MED13: variants seen among roughly 807,000 people sequenced by gnomAD.
The protein encoded by MED13 is mediator complex subunit 13, also known as mediator of RNA polymerase II transcription subunit 13.
MED13 carries 23 observed loss-of-function variants against 225.2 expected under a neutral mutation model. The observed-to-expected ratio is 0.10, with a 90% CI of 0.07 to 0.14. The LOEUF is 0.14. MED13 is among the 10% of genes least tolerant of loss of function. MED13 has a pLI of 1.00. For synonymous variants in MED13, 942 were observed against 889.2 expected (o/e 1.06, Z -1.06); for missense variants, 2,197 against 2,594.5 (o/e 0.85, Z 3.33).
chr17:62,015,954 ATTTTTTTTTTTTTTTTTT>A (rs869061252), intron 8 of MED13, among the ~76,000 whole-genome samples: 1 of 12,904 alleles, frequency 7.7e-5, no homozygotes, highest in African/African-American at 4.2e-4. Flanking sequence ...ATATATATAT[ATTTTTTTTTTTTTTTTTT>A]TTTTTTTTTT....
At chr17:61,968,391 T>C in intron 17 of MED13, 133 bp from the exon 18 acceptor site, 1 of 609,004 alleles carries the variant, frequency 1.6e-6, no homozygotes, top group Non-Finnish European at 2.5e-6. Context: ...AGTGGCGCCA[T>C]CTCGGCTCAC....
intron 9 of MED13, among the ~76,000 whole-genome samples, chr17:62,002,319 T>A (rs969886953): frequency 6.6e-6 from 1 of 151,838 alleles, no homozygotes; most frequent in Non-Finnish European, 1.5e-5. Context: ...GCGAAACCCG[T>A]CTCTACTGAA....
At chr17:62,064,519 G>A (rs2081065541) in intron 1 of MED13, among the ~76,000 whole-genome samples, 1 of 152,108 alleles carries the variant, frequency 6.6e-6, no homozygotes, top group African/African-American at 2.4e-5. Context: ...TCTAATAAAA[G>A]CAAGATGGCT....
At chr17:62,017,628 C>A (rs1034873926) in intron 8 of MED13, among the ~76,000 whole-genome samples, 3 of 152,182 alleles carry the variant, frequency 2.0e-5, no homozygotes, top group African/African-American at 7.2e-5. Flanking sequence ...AGCAAAACTT[C>A]TAGCAACTGA....
At chr17:62,055,169 T>C (rs1156906396) in intron 2 of MED13, among the ~76,000 whole-genome samples, 1 of 151,998 alleles carries the variant, frequency 6.6e-6, no homozygotes, top group Non-Finnish European at 1.5e-5. Context: ...CCAAGGCAAG[T>C]GGACCACTTG....
chr17:62,022,354 C>CT (rs970526805), intron 8 of MED13, among the ~76,000 whole-genome samples: 30 of 150,526 alleles, frequency 2.0e-4, no homozygotes, highest in African/African-American at 6.8e-4. Flanking sequence ...AGCAGTATTA[C>CT]TTTTTTTTTA....
In MED13 at chr17:61,982,293, T is replaced by C; in HGVS notation, c.3710A>G (p.Glu1237Gly). 1 of 1,614,204 alleles carries C rather than the reference T, an allele frequency of 6.2e-7. No individual in the cohort carries two copies. The highest frequency in any genetic ancestry group is 1.1e-5 in the South Asian group (1 of 91,080). Reference protein sequence around the residue: ...DCCNDCYLALEHGRQFMDNMS... With the variant: ...DCCNDCYLALGHGRQFMDNMS... ...GTTATCCATGAACTGACGCCCATGT[T>C]CTAATGCAAGGTAGCAGTCATTGCA... is the stretch of plus-strand genomic sequence containing the variant. Residue 1237 changes from glutamate to glycine, a missense_variant, in exon 16 of 30, where the codon GAA becomes GGA. By Grantham distance (98) the Glu-to-Gly change is moderately conservative. Transcript: ENST00000397786.
intron 3 of MED13, 123 bp downstream of exon 3, chr17:62,052,414 C>G (rs1314239942): frequency 1.7e-6 from 1 of 601,694 alleles, no homozygotes; most frequent in Non-Finnish European, 2.5e-6. Flanking sequence ...GTATCTAGTA[C>G]TCTGTCACTG....
At position 62,005,683 on chromosome 17, in the gene MED13, G is replaced by A. The variant is rs369685860; in HGVS notation, c.1967+4867C>T. On this transcript the variant is annotated intron_variant, in intron 9 of 29. Transcript: ENST00000397786. ...GATTCAAAGGGCCAGATGAAGCACA[G>A]GACTTATCTGCTAAAATGACGATAA... The A allele has an allele frequency of 2.0e-4, 31 of 152,238 alleles. No individual in the cohort carries two copies. The East Asian group carries it at 4.6e-3, about 23-fold the overall frequency. The allele number at this position is 152,238 out of a possible 1,614,324, so 9.4% of individuals were successfully genotyped here. A position where few individuals can be genotyped will look rare whatever the true frequency, so the allele number is the denominator to read the frequency against.
intron 8 of MED13, among the ~76,000 whole-genome samples, chr17:62,015,962 T>A (rs1299154750): frequency 0.027 from 517 of 19,064 alleles, 16 homozygotes; most frequent in East Asian, 0.092. Context: ...ATATTTTTTT[T>A]TTTTTTTTTT....
intron 8 of MED13, among the ~76,000 whole-genome samples, chr17:62,026,623 A>G (rs992790438): frequency 6.6e-6 from 1 of 152,160 alleles, no homozygotes; most frequent in African/African-American, 2.4e-5. Context: ...AGGGCATTCA[A>G]ATAGGAAGAA....
At chr17:61,979,018 G>A (rs1200280450) in intron 16 of MED13, among the ~76,000 whole-genome samples, 1 of 151,990 alleles carries the variant, frequency 6.6e-6, no homozygotes, top group Non-Finnish European at 1.5e-5. Context: ...CTATCTCTTG[G>A]TCATTTTTGG....
chr17:62,036,090 C>CT (rs199531154), intron 3 of MED13, among the ~76,000 whole-genome samples: 23,796 of 136,852 alleles, frequency 0.17, 2,251 homozygotes, highest in East Asian at 0.51. Context: ...GTACCCAGCT[C>CT]TTTTTTTTTT....
In MED13 at chr17:62,065,132, G is replaced by A. The variant is rs775836924; in HGVS notation, c.66+8C>T. On this transcript the variant is annotated splice_region_variant and intron_variant, in intron 1 of 29. Coordinates refer to ENST00000397786, the MANE Select transcript of MED13 (RefSeq NM_005121.3). ...CCTCCCTCGGCGCCCGCCGGCCCCG[G>A]CACTCACCAGGCAGAAGAGGTTACA... 18 of 1,556,480 alleles carry A rather than the reference G, an allele frequency of 1.2e-5. No homozygotes were observed. The highest frequency in any genetic ancestry group is 1.5e-5 in the Non-Finnish European group (17 of 1,153,518).
At chr17:62,034,740 G>C (rs2080787973) in intron 4 of MED13, among the ~76,000 whole-genome samples, 1 of 152,226 alleles carries the variant, frequency 6.6e-6, no homozygotes, top group Middle Eastern at 3.4e-3. Context: ...AGGCAATTCA[G>C]CAATCTTATA....
chr17:61,973,784 C>G (rs1222261520), intron 16 of MED13, among the ~76,000 whole-genome samples: 3 of 152,006 alleles, frequency 2.0e-5, no homozygotes, highest in African/African-American at 7.3e-5. Context: ...GAGTTTGAGA[C>G]CAGCCTGGCC....
intron 8 of MED13, among the ~76,000 whole-genome samples, chr17:62,014,256 G>GA (rs2080539931): frequency 6.6e-6 from 1 of 151,124 alleles, no homozygotes; most frequent in South Asian, 2.1e-4. Flanking sequence ...CCCCAGATCA[G>GA]CACTGAGCAC....
intron 1 of MED13, among the ~76,000 whole-genome samples, chr17:62,064,809 A>G (rs1038700007): frequency 1.3e-5 from 2 of 152,214 alleles, no homozygotes; most frequent in East Asian, 1.9e-4. Context: ...TACAGGGCCA[A>G]TAAGGAGAAA....
chr17:62,040,149 ATT>A (rs1235090641), intron 3 of MED13, among the ~76,000 whole-genome samples: 1 of 152,220 alleles, frequency 6.6e-6, no homozygotes, highest in African/African-American at 2.4e-5. Flanking sequence ...AACATAGTAA[ATT>A]CAGACTTGCT....
Sources: allele counts gnomAD v4.1 joint callset (sites outside exome capture counted in the v4.1 genomes callset), GRCh38; gene constraint gnomAD v4.1.1; transcripts MANE v1.5; gene names NCBI Gene and HGNC (gene_info 2026-07-23, HGNC 2026-07-21).